UBE2R2: variants seen among roughly 807,000 people sequenced by gnomAD.
UBE2R2 encodes the protein ubiquitin conjugating enzyme E2 R2, also known as ubiquitin-conjugating enzyme E2 R2.
In UBE2R2, 1 loss-of-function variant was observed where a neutral mutation model predicts 27.8. That is an observed-to-expected ratio of 0.04 (90% CI 0.01 to 0.17). UBE2R2 has a LOEUF of 0.17. Among genes scored for constraint, UBE2R2 ranks in the 10% least tolerant of loss-of-function variants. The pLI is 1.00. For missense variants in UBE2R2, 100 were observed against 291.0 expected, an observed-to-expected ratio of 0.34 and a Z score of 4.78; for synonymous variants, 106 against 113.3, an observed-to-expected ratio of 0.94 and a Z score of 0.41.
At chr9:33,852,932 C>T (rs1820999571) in intron 1 of UBE2R2, among the ~76,000 whole-genome samples, 1 of 152,118 alleles carries the variant, frequency 6.6e-6, no homozygotes, top group Non-Finnish European at 1.5e-5. Flanking sequence ...TGCTTGAACC[C>T]AGGAGGCGGA....
intron 1 of UBE2R2, among the ~76,000 whole-genome samples, chr9:33,876,908 C>G (rs1239791068): frequency 2.0e-5 from 3 of 151,598 alleles, no homozygotes; most frequent in African/African-American, 7.3e-5. Context: ...AGCGAGACTC[C>G]ATCTAAAAAA....
At chr9:33,851,434 C>CTTT (rs1820964890) in intron 1 of UBE2R2, among the ~76,000 whole-genome samples, 2 of 152,146 alleles carry the variant, frequency 1.3e-5, no homozygotes, top group African/African-American at 4.8e-5. Flanking sequence ...CAAGTATTTG[C>CTTT]TTTTAGTTAT....
chr9:33,896,026 G>T lies in UBE2R2; in HGVS notation c.265-4148G>T, dbSNP rs113452100. On this transcript the variant is annotated intron_variant, in intron 2 of 4. Transcript: ENST00000263228. ...GGCCTCAAGTGATCTGCCAGCCCCG[G>T]CCCCCCAAAGTGCTGGGATTACAGG... 3.4e-3 allele frequency among the ~76,000 whole-genome samples: 511 copies of T among 151,958 alleles called. 7 individuals carry two copies. Among genetic ancestry groups the T allele is most frequent in the African/African-American group, 0.012 (479 of 41,436 alleles).
intron 3 of UBE2R2, among the ~76,000 whole-genome samples, chr9:33,908,275 A>AAT: frequency 6.6e-6 from 1 of 152,344 alleles, no homozygotes; most frequent in South Asian, 2.1e-4. Context: ...TCTAATCAAG[A>AAT]ATAGTTCCCA....
chr9:33,820,123 C>T (rs190333157), intron 1 of UBE2R2, among the ~76,000 whole-genome samples: 1 of 152,202 alleles, frequency 6.6e-6, no homozygotes, highest in African/African-American at 2.4e-5. Flanking sequence ...CAAAACAAAA[C>T]AAAACTTGTA....
chr9:33,866,250 T>G (rs920524287), intron 1 of UBE2R2, among the ~76,000 whole-genome samples: 27 of 152,048 alleles, frequency 1.8e-4, no homozygotes, highest in Non-Finnish European at 8.8e-5. Flanking sequence ...AACTTTTTTT[T>G]TTTTTTGAGA....
chr9:33,910,230 C>T (rs1484254872), intron 3 of UBE2R2, among the ~76,000 whole-genome samples: 1 of 152,106 alleles, frequency 6.6e-6, no homozygotes, highest in Non-Finnish European at 1.5e-5. Flanking sequence ...CTGCAGCCTC[C>T]GCCTCCCGTG....
Position 33,821,741 on chromosome 9 carries a change from G to A in UBE2R2, c.177+3807G>A, listed in dbSNP as rs180789172. 2.2e-3 allele frequency among the ~76,000 whole-genome samples: 340 copies of A among 151,654 alleles called. 1 individual carries two copies. Among genetic ancestry groups the A allele is most frequent in the African/African-American group, 7.5e-3 (312 of 41,342 alleles). ...AGCGATTCTCTTGCCTCAGCCTCCC[G>A]AGTAGCTGGGATTACCGGCGTGCGC... On this transcript the variant is annotated intron_variant, in intron 1 of 4. Coordinates refer to ENST00000263228, the MANE Select transcript of UBE2R2 (RefSeq NM_017811.4).
intron 1 of UBE2R2, among the ~76,000 whole-genome samples, chr9:33,847,725 T>C (rs1820877036): frequency 6.6e-6 from 1 of 151,638 alleles, no homozygotes; most frequent in African/African-American, 2.4e-5. Flanking sequence ...TTTTCTGTGC[T>C]TCAGTTTGGA....
chr9:33,821,537 T>C (rs575839458), intron 1 of UBE2R2, among the ~76,000 whole-genome samples: 17 of 152,312 alleles, frequency 1.1e-4, no homozygotes, highest in Admixed American at 9.8e-4. Flanking sequence ...CTTGGAACTT[T>C]TGCATTATTT....
At chr9:33,897,309 T>C (rs1470349804) in intron 2 of UBE2R2, among the ~76,000 whole-genome samples, 2 of 119,086 alleles carry the variant, frequency 1.7e-5, no homozygotes, top group African/African-American at 6.1e-5. Context: ...GTGCTGGGAT[T>C]CAGAAAAACT....
intron 2 of UBE2R2, among the ~76,000 whole-genome samples, chr9:33,891,825 G>A (rs971028983): frequency 1.3e-5 from 2 of 151,506 alleles, no homozygotes; most frequent in African/African-American, 2.4e-5. Flanking sequence ...TTCTGTTGTT[G>A]TTGGCTGGGC....
chr9:33,901,972 G>A (rs1247037396), intron 3 of UBE2R2, among the ~76,000 whole-genome samples: 4 of 148,748 alleles, frequency 2.7e-5, no homozygotes, highest in East Asian at 2.0e-4. Flanking sequence ...GGAATGAAGC[G>A]GCGCGGTCAC....
At chr9:33,856,861 C>T (rs1010890112) in intron 1 of UBE2R2, among the ~76,000 whole-genome samples, 14 of 144,788 alleles carry the variant, frequency 9.7e-5, no homozygotes, top group Non-Finnish European at 2.0e-4. Flanking sequence ...ATCCATCCGT[C>T]TGTCCGTCCT....
chr9:33,845,656 T>C (rs1171360717), intron 1 of UBE2R2, among the ~76,000 whole-genome samples: 1 of 152,190 alleles, frequency 6.6e-6, no homozygotes, highest in Admixed American at 6.5e-5. Flanking sequence ...CCTAATTTAG[T>C]TGCTGTTTTA....
chr9:33,865,521 T>C (rs1821341794), intron 1 of UBE2R2, among the ~76,000 whole-genome samples: 1 of 152,104 alleles, frequency 6.6e-6, no homozygotes. Context: ...ATGCCGTTTT[T>C]CATTTTTAAA....
intron 1 of UBE2R2, among the ~76,000 whole-genome samples, chr9:33,865,543 G>GT (rs1300434169): frequency 6.6e-6 from 1 of 152,026 alleles, no homozygotes; most frequent in Non-Finnish European, 1.5e-5. Flanking sequence ...TTTCTAGTTT[G>GT]TTGTTAACTA....
At chr9:33,869,489 C>T (rs904219250) in intron 1 of UBE2R2, among the ~76,000 whole-genome samples, 7 of 150,990 alleles carry the variant, frequency 4.6e-5, no homozygotes, top group Non-Finnish European at 8.8e-5. Context: ...TCTTGTTGCC[C>T]AGGCTGGAGT....
In UBE2R2 at chr9:33,888,649, T is replaced by A. The variant is rs574492120; in HGVS notation, c.264+1682T>A. On this transcript the variant is annotated intron_variant, in intron 2 of 4. Transcript: ENST00000263228. ...CTCCTGTCTCAGCTTCTTGGGTAGC[T>A]GGGACTACAGGTGTGCACGACCACA... Among the ~76,000 whole-genome samples the A allele has an allele frequency of 2.5e-4, 38 of 152,352 alleles. No homozygotes were observed. In the East Asian group the frequency reaches 6.2e-3, roughly 25 times the overall value.
Sources: allele counts gnomAD v4.1 joint callset (sites outside exome capture counted in the v4.1 genomes callset), GRCh38; gene constraint gnomAD v4.1.1; transcripts MANE v1.5; gene names NCBI Gene and HGNC (gene_info 2026-07-23, HGNC 2026-07-21).